MLIP: variants seen among roughly 807,000 people sequenced by gnomAD.
MLIP encodes the protein muscular LMNA-interacting protein.
MLIP carries 79 observed loss-of-function variants against 84.8 expected under a neutral mutation model. The observed-to-expected ratio is 0.93, with a 90% confidence interval of 0.78 to 1.12. The LOEUF is 1.12. MLIP is among the 50% of genes most tolerant of loss of function. The pLI is 0.00. For synonymous variants in MLIP, 504 were observed against 463.0 expected, an observed-to-expected ratio of 1.09 and a Z score of -1.14; for missense variants, 1,257 against 1,160.6, an observed-to-expected ratio of 1.08 and a Z score of -1.21.
intron 5 of MLIP, among the ~76,000 whole-genome samples, chr6:54,155,738 T>A (rs1454229741): frequency 6.6e-6 from 1 of 152,150 alleles, no homozygotes; most frequent in Non-Finnish European, 1.5e-5. Flanking sequence ...TCATAGTTCT[T>A]GGCTCCTAAT....
rs151125628 is a variant in MLIP at position 54,171,116 on chromosome 6, G to A, written c.2544+1544G>A. On this transcript the variant is annotated intron_variant, in intron 9 of 13. Transcript: ENST00000502396. ...CATTATCCATTCCTCTCTGGGAGGG[G>A]TTAATTTGGTAGCAATTGAAATGAT... Among the ~76,000 whole-genome samples, 77 of 151,610 alleles carry A rather than the reference G, an allele frequency of 5.1e-4. 1 individual carries two copies. Among genetic ancestry groups the A allele is most frequent in the African/African-American group, 1.7e-3 (71 of 41,482 alleles).
chr6:54,088,283 C>T (rs1767631438), intron 1 of MLIP, among the ~76,000 whole-genome samples: 1 of 152,046 alleles, frequency 6.6e-6, no homozygotes, highest in Non-Finnish European at 1.5e-5. Context: ...AGGGTCTGGC[C>T]TAAGTGGGAG....
At position 54,136,914 on chromosome 6, in the gene MLIP, C is replaced by G. The variant is rs765887594; in HGVS notation, c.845C>G (p.Ala282Gly). The G allele has an allele frequency of 6.5e-7, 1 of 1,535,862 alleles. No individual in the cohort carries two copies. Among genetic ancestry groups the G allele is most frequent in the Non-Finnish European group, 8.7e-7 (1 of 1,146,854 alleles). ...TCAGCTACGTATTTTCAAACTACCG[C>G]TCACTCTACACCCTTTTCTGCATCG... is the stretch of plus-strand genomic sequence containing the variant. ...EESATYFQTT[A>G]HSTPFSASKG... The change falls in exon 4 of 14, where the codon GCT becomes GGT. Residue 282 changes from alanine to glycine, a missense_variant. Coordinates refer to ENST00000502396, the MANE Select transcript of MLIP (RefSeq NM_001281747.2).
At chr6:54,098,654 G>GA (rs1768408341) in intron 1 of MLIP, among the ~76,000 whole-genome samples, 1 of 152,152 alleles carries the variant, frequency 6.6e-6, no homozygotes, top group Non-Finnish European at 1.5e-5. Context: ...CTTATCTTTA[G>GA]AGTGTTGAAA....
chr6:54,048,619 G>A (rs180839951), intron 1 of MLIP, among the ~76,000 whole-genome samples: 2 of 152,254 alleles, frequency 1.3e-5, no homozygotes, highest in East Asian at 3.9e-4. Flanking sequence ...TTATTGGGGA[G>A]GAGCTAAAAC....
At chr6:54,034,705 A>C (rs1764329553) in intron 1 of MLIP, among the ~76,000 whole-genome samples, 1 of 152,178 alleles carries the variant, frequency 6.6e-6, no homozygotes, top group Non-Finnish European at 1.5e-5. Flanking sequence ...AAGTAAAAAA[A>C]TTAAAGTAAG....
intron 1 of MLIP, among the ~76,000 whole-genome samples, chr6:54,058,514 C>T (rs930739845): frequency 1.3e-5 from 2 of 152,186 alleles, no homozygotes; most frequent in African/African-American, 4.8e-5. Flanking sequence ...TGGCCATCTG[C>T]CTACTTTATG....
At chr6:54,089,679 T>C (rs1767732558) in intron 1 of MLIP, among the ~76,000 whole-genome samples, 1 of 152,116 alleles carries the variant, frequency 6.6e-6, no homozygotes, top group Non-Finnish European at 1.5e-5. Flanking sequence ...TAATGCCAAA[T>C]ATACGTGAAG....
upstream of MLIP, among the ~76,000 whole-genome samples, chr6:54,106,695 A>G (rs117243867): frequency 6.6e-6 from 1 of 152,304 alleles, no homozygotes; most frequent in East Asian, 1.9e-4. Context: ...AGTGAGGAAA[A>G]TTTTGGGAGG....
chr6:54,247,007 G>A (rs1210994276), intron 12 of MLIP, among the ~76,000 whole-genome samples: 2 of 152,032 alleles, frequency 1.3e-5, no homozygotes, highest in Non-Finnish European at 2.9e-5. Flanking sequence ...ATTTCCTGTA[G>A]CATCCTCCTG....
intron 11 of MLIP, chr6:54,217,113 A>T (rs1779907245): frequency 1.0e-6 from 1 of 985,338 alleles, no homozygotes; most frequent in African/African-American, 1.7e-5. Context: ...GGAAGACAGG[A>T]TGGAGTGAAA....
intron 11 of MLIP, among the ~76,000 whole-genome samples, chr6:54,223,592 G>A (rs929011724): frequency 1.6e-4 from 25 of 151,988 alleles, no homozygotes; most frequent in Admixed American, 1.4e-3. Flanking sequence ...CTGCTTTTAT[G>A]ACAGTGCCAT....
intron 10 of MLIP, among the ~76,000 whole-genome samples, chr6:54,196,186 A>T (rs567307774): frequency 1.3e-5 from 2 of 152,240 alleles, no homozygotes; most frequent in East Asian, 1.9e-4. Flanking sequence ...CCTTTTTTTA[A>T]AAAAAAGAAG....
intron 11 of MLIP, among the ~76,000 whole-genome samples, chr6:54,227,380 C>G (rs1332621360): frequency 6.6e-6 from 1 of 151,766 alleles, no homozygotes; most frequent in African/African-American, 2.4e-5. Context: ...AATTTGAGGA[C>G]TATCTAAAAA....
intron 5 of MLIP, among the ~76,000 whole-genome samples, chr6:54,155,003 GT>G (rs1166424003): frequency 6.6e-6 from 1 of 152,082 alleles, no homozygotes; most frequent in East Asian, 1.9e-4. Flanking sequence ...GGTTGGAATG[GT>G]TTGCAAAAAC....
rs867189258 is a variant in MLIP, at chr6:54,252,336, A to C, written c.2923-4972A>C. On this transcript the variant is annotated intron_variant, in intron 12 of 13. Coordinates refer to ENST00000502396, the MANE Select transcript of MLIP (RefSeq NM_001281747.2). ...TAACTATAATATATTATACCATATA[A>C]TATATAATATAACTATAATATACCA... 3.0e-3 allele frequency among the ~76,000 whole-genome samples: 353 copies of C among 119,216 alleles called. 3 individuals carry two copies. Among genetic ancestry groups the C allele is most frequent in the Non-Finnish European group, 3.8e-3 (244 of 63,682 alleles). The allele number at this position is 119,216 out of a possible 152,430, so 78.2% of individuals were successfully genotyped here.
At chr6:54,085,753 A>G (rs991004121) in intron 1 of MLIP, among the ~76,000 whole-genome samples, 1 of 152,160 alleles carries the variant, frequency 6.6e-6, no homozygotes, top group Non-Finnish European at 1.5e-5. Context: ...CCAGTGGCTG[A>G]CTCACACAAG....
intron 3 of MLIP, among the ~76,000 whole-genome samples, chr6:54,136,192 A>G (rs1771783285): frequency 6.6e-6 from 1 of 152,180 alleles, no homozygotes; most frequent in Non-Finnish European, 1.5e-5. Flanking sequence ...CATCATTTGA[A>G]TTCCAGGCAC....
intron 3 of MLIP, among the ~76,000 whole-genome samples, chr6:54,126,471 A>G (rs1399739487): frequency 6.6e-6 from 1 of 151,990 alleles, no homozygotes; most frequent in Non-Finnish European, 1.5e-5. Flanking sequence ...TCAACCTCAT[A>G]TATTAATTGT....
Sources: gnomAD v4.1 joint callset for allele counts (sites outside exome capture counted in the v4.1 genomes callset) on GRCh38, gnomAD v4.1.1 for gene constraint, MANE v1.5 for transcripts, NCBI Gene and HGNC (gene_info 2026-07-23, HGNC 2026-07-21) for gene names.